FAM163A: variants seen among roughly 807,000 people sequenced by gnomAD.
FAM163A encodes family with sequence similarity 163 member A, also known as protein FAM163A.
FAM163A carries 7 observed loss-of-function variants against 12.0 expected under a neutral mutation model. The observed-to-expected ratio is 0.58, with a 90% CI of 0.33 to 1.10. The LOEUF (loss-of-function observed/expected upper bound fraction) is 1.10, where lower values mean the gene tolerates loss of function less well. Among genes scored for constraint, FAM163A ranks in the 50% least tolerant of loss-of-function variants. The pLI, the probability that FAM163A is intolerant of heterozygous loss-of-function variation, is 0.03. For missense variants in FAM163A, 202 were observed against 218.6 expected (o/e 0.92, Z 0.48); for synonymous variants, 101 against 91.0 (o/e 1.11, Z -0.62).
At chr1:179,758,870 G>A (rs1225399278) in intron 1 of FAM163A, among the ~76,000 whole-genome samples, 1 of 152,168 alleles carries the variant, frequency 6.6e-6, no homozygotes, top group Non-Finnish European at 1.5e-5. Flanking sequence ...GCACAGCATG[G>A]CCTCCTCACC....
At chr1:179,785,852 G>A (rs1690539404) in intron 1 of FAM163A, among the ~76,000 whole-genome samples, 1 of 152,168 alleles carries the variant, frequency 6.6e-6, no homozygotes, top group South Asian at 2.1e-4. Flanking sequence ...ATGTGCCATA[G>A]TGTATTTAGC....
chr1:179,808,185 C>G (rs1175045770), intron 2 of FAM163A, among the ~76,000 whole-genome samples: 3 of 142,978 alleles, frequency 2.1e-5, no homozygotes, highest in Non-Finnish European at 3.1e-5. Flanking sequence ...CCCGTGGGCC[C>G]TGACTCAGGC....
chr1:179,751,854 G>A (rs1309941742), intron 1 of FAM163A, among the ~76,000 whole-genome samples: 2 of 152,164 alleles, frequency 1.3e-5, no homozygotes, highest in Non-Finnish European at 2.9e-5. Flanking sequence ...TAGATTGGAA[G>A]ATTTAATATT....
rs79626981 is a variant in FAM163A at position 179,778,905 on chromosome 1, C to A, written c.-135-28893C>A. The stretch of plus-strand genomic sequence containing the variant: ...CAGACAGACACAGACCTAATAGAGG[C>A]TCCGAGCTAGACTCACAGGGTTTGG... On this transcript the variant is annotated intron_variant, in intron 1 of 4. Coordinates refer to ENST00000341785, the MANE Select transcript of FAM163A (RefSeq NM_173509.3). 9.7e-3 allele frequency among the ~76,000 whole-genome samples: 1,477 copies of A among 152,248 alleles called. 33 individuals are homozygous for A. The highest frequency in any genetic ancestry group is 0.033 in the African/African-American group (1,386 of 41,532).
chr1:179,792,393 G>T (rs770592040), intron 1 of FAM163A, among the ~76,000 whole-genome samples: 1 of 151,260 alleles, frequency 6.6e-6, no homozygotes, highest in Non-Finnish European at 1.5e-5. Context: ...ATCCACCCCC[G>T]CTTAGCCTCC....
chr1:179,807,184 C>T (rs951158954), intron 1 of FAM163A, among the ~76,000 whole-genome samples: 12 of 152,156 alleles, frequency 7.9e-5, no homozygotes, highest in Non-Finnish European at 1.8e-4. Context: ...AAAAATTAGC[C>T]TACCCTGGAT....
chr1:179,734,263 C>G, the FAM163A span, among the ~76,000 whole-genome samples: 1 of 152,152 alleles, frequency 6.6e-6, no homozygotes, highest in African/African-American at 2.4e-5. Flanking sequence ...TAGGAGAACA[C>G]CACTGAGCCA....
intron 1 of FAM163A, among the ~76,000 whole-genome samples, chr1:179,786,548 A>C (rs1375023209): frequency 6.6e-6 from 1 of 152,250 alleles, no homozygotes; most frequent in Non-Finnish European, 1.5e-5. Context: ...CTCAGCCTTA[A>C]GGGGTAATAC....
intron 1 of FAM163A, among the ~76,000 whole-genome samples, chr1:179,752,462 A>G (rs530800819): frequency 1.8e-3 from 244 of 137,108 alleles, no homozygotes; most frequent in Non-Finnish European, 3.1e-3. Context: ...AAACCATAAA[A>G]GCTTTTGTAC....
chr1:179,813,679 C>A, intron 4 of FAM163A, 100 bp from the exon 5 acceptor site: 1 of 1,383,972 alleles, frequency 7.2e-7, no homozygotes, highest in Non-Finnish European at 9.9e-7. Flanking sequence ...GCACTAGGTT[C>A]TCCATGGAGC....
chr1:179,771,439 C>T (rs930976844), intron 1 of FAM163A, among the ~76,000 whole-genome samples: 2 of 152,178 alleles, frequency 1.3e-5, no homozygotes, highest in African/African-American at 4.8e-5. Context: ...TCCATCCTAC[C>T]CTCTTTTTCC....
intron 1 of FAM163A, among the ~76,000 whole-genome samples, chr1:179,769,470 C>A (rs1306359606): frequency 1.3e-5 from 2 of 152,156 alleles, no homozygotes; most frequent in Admixed American, 1.3e-4. Flanking sequence ...TTAAAAAACT[C>A]TTTTCATCTT....
the FAM163A span, among the ~76,000 whole-genome samples, chr1:179,733,125 T>C: frequency 6.6e-5 from 10 of 152,126 alleles, no homozygotes; most frequent in Admixed American, 6.5e-4. Context: ...CTATCATGTA[T>C]TGCATTCTCA....
chr1:179,787,439 T>C (rs1221570389), intron 1 of FAM163A, among the ~76,000 whole-genome samples: 1 of 152,180 alleles, frequency 6.6e-6, no homozygotes, highest in Non-Finnish European at 1.5e-5. Flanking sequence ...CCCCGAAGGT[T>C]CCCTCGCGCA....
intron 1 of FAM163A, among the ~76,000 whole-genome samples, chr1:179,792,487 G>A (rs1341630543): frequency 2.0e-5 from 3 of 152,116 alleles, no homozygotes; most frequent in African/African-American, 4.8e-5. Context: ...TCTCAGTGAC[G>A]AGGGATGTAA....
At chr1:179,739,402 T>C (rs1683371791), upstream of FAM163A, among the ~76,000 whole-genome samples, 1 of 152,164 alleles carries the variant, frequency 6.6e-6, no homozygotes, top group Non-Finnish European at 1.5e-5. Context: ...GCCACAGATC[T>C]GAAAAAGGAC....
At chr1:179,740,036 C>T (rs368257250), upstream of FAM163A, among the ~76,000 whole-genome samples, 6 of 152,224 alleles carry the variant, frequency 3.9e-5, no homozygotes, top group South Asian at 2.1e-4. Flanking sequence ...GACTACCATA[C>T]GATCTAGCAA....
upstream of FAM163A, among the ~76,000 whole-genome samples, chr1:179,738,994 G>C (rs999736748): frequency 6.6e-6 from 1 of 152,162 alleles, no homozygotes; most frequent in East Asian, 1.9e-4. Context: ...GAATGGAATA[G>C]AGAATCCAAA....
chr1:179,803,149 GA>G (rs1188165249), intron 1 of FAM163A, among the ~76,000 whole-genome samples: 1 of 151,984 alleles, frequency 6.6e-6, no homozygotes, highest in Non-Finnish European at 1.5e-5. Context: ...AGGTAACAGG[GA>G]AAAAAACTTC....
Sources: gnomAD v4.1 joint callset for allele counts (sites outside exome capture counted in the v4.1 genomes callset) on GRCh38, gnomAD v4.1.1 for gene constraint, MANE v1.5 for transcripts, NCBI Gene and HGNC (gene_info 2026-07-23, HGNC 2026-07-21) for gene names.